Variants in TCEANC2 observed in about 807,000 individuals in gnomAD.
The protein encoded by TCEANC2 is transcription elongation factor A N-terminal and central domain-containing protein 2.
In TCEANC2, 20 loss-of-function variants were observed where a neutral mutation model predicts 22.8. The observed-to-expected ratio is 0.88, with a 90% CI of 0.62 to 1.28. The LOEUF (loss-of-function observed/expected upper bound fraction) is 1.28. Among genes scored for constraint, TCEANC2 ranks in the 50% most tolerant of loss-of-function variants. TCEANC2 has a pLI of 0.00. For synonymous variants in TCEANC2, 84 were observed against 95.5 expected, an observed-to-expected ratio of 0.88 and a Z score of 0.70; for missense variants, 251 against 249.7, an observed-to-expected ratio of 1.01 and a Z score of -0.03.
chr1:54,085,497 A>G (rs919723179), intron 3 of TCEANC2, among the ~76,000 whole-genome samples: 1 of 151,860 alleles, frequency 6.6e-6, no homozygotes, highest in African/African-American at 2.4e-5. Context: ...AAAATTCCCT[A>G]TCCATTTTCT....
chr1:54,098,573 A>G lies in TCEANC2; in HGVS notation c.*2100A>G, dbSNP rs1016715334. ...TAACATAGTTATTTCTTTATTGTCTATCTCCCCACTCCCAGAATGTAAGCT... is the reference window on the plus strand; with the variant it reads ...TAACATAGTTATTTCTTTATTGTCTGTCTCCCCACTCCCAGAATGTAAGCT... On this transcript the variant is annotated 3_prime_UTR_variant, in exon 5 of 5. Transcript: ENST00000234827. 1 of 152,266 alleles carries G rather than the reference A, an allele frequency of 6.6e-6. No homozygotes were observed. Among genetic ancestry groups the G allele is most frequent in the Middle Eastern group, 3.4e-3 (1 of 294 alleles). The allele number at this position is 152,266 out of a possible 1,614,324, so 9.4% of individuals were successfully genotyped here. A position where few individuals can be genotyped will look rare whatever the true frequency, so the allele number is the denominator to read the frequency against.
downstream of TCEANC2, among the ~76,000 whole-genome samples, chr1:54,107,744 C>G (rs765726607): frequency 6.6e-6 from 1 of 152,260 alleles, no homozygotes; most frequent in East Asian, 1.9e-4. Context: ...ACATACACAA[C>G]CACGTTGTGT....
chr1:54,096,600 C>A lies in TCEANC2; in HGVS notation c.*127C>A, dbSNP rs1658561486. 7.1e-7 allele frequency: 1 copy of A among 1,416,212 alleles called. No homozygotes were observed. Among genetic ancestry groups the A allele is most frequent in the South Asian group, 1.5e-5 (1 of 64,744 alleles). 87.7% of individuals were successfully genotyped at this position (1,416,212 alleles called of 1,614,324 possible). Reference sequence around the variant, plus strand: ...TGCTAGATTTTCCCATGGTGCCGTTCCTTTGCAGACAGAGGATTCGGAGAG... The same window carrying A: ...TGCTAGATTTTCCCATGGTGCCGTTACTTTGCAGACAGAGGATTCGGAGAG... On this transcript the variant is annotated 3_prime_UTR_variant, in exon 5 of 5. Coordinates refer to ENST00000234827, the MANE Select transcript of TCEANC2 (RefSeq NM_153035.3). This position sits in a 1 kb window ranked among gnomAD's most constrained non-coding sequence, Gnocchi z 4.9.
At position 54,100,244 on chromosome 1, in the gene TCEANC2, A is replaced by C. The variant is rs548301907; in HGVS notation, c.*3771A>C. On this transcript the variant is annotated 3_prime_UTR_variant, in exon 5 of 5. Transcript: ENST00000234827. ...CAGAGCAAGACTCACCTCAGTCTCAAAGATAAAATAAAATAAAAATAAATA... is the reference window on the plus strand; with the variant it reads ...CAGAGCAAGACTCACCTCAGTCTCACAGATAAAATAAAATAAAAATAAATA... 6.6e-6 allele frequency: 1 copy of C among 152,220 alleles called. No individual in the cohort carries two copies. Among genetic ancestry groups the C allele is most frequent in the African/African-American group, 2.4e-5 (1 of 41,458 alleles). The allele number at this position is 152,220 out of a possible 1,614,324, so 9.4% of individuals were successfully genotyped here. A position where few individuals can be genotyped will look rare whatever the true frequency, so the allele number is the denominator to read the frequency against.
chr1:54,062,574 C>T (rs945152009), intron 2 of TCEANC2, among the ~76,000 whole-genome samples: 2 of 152,142 alleles, frequency 1.3e-5, no homozygotes, highest in East Asian at 3.9e-4. Flanking sequence ...ACAGCCTTGT[C>T]GATGGTAAGT....
intron 3 of TCEANC2, among the ~76,000 whole-genome samples, chr1:54,069,904 G>C (rs1488733623): frequency 6.6e-6 from 1 of 152,198 alleles, no homozygotes; most frequent in Non-Finnish European, 1.5e-5. Context: ...GGGCCAACAT[G>C]TGTTACTCAA....
chr1:54,059,668 T>A (rs1245845960), intron 2 of TCEANC2, among the ~76,000 whole-genome samples: 2 of 152,242 alleles, frequency 1.3e-5, no homozygotes, highest in Non-Finnish European at 2.9e-5. Context: ...TCTGATTACC[T>A]GTAGCTTTCT....
At chr1:54,089,946 C>T in intron 4 of TCEANC2, 1 of 770,384 alleles carries the variant, frequency 1.3e-6, no homozygotes, top group South Asian at 1.5e-5. Flanking sequence ...GAAACGTACA[C>T]CTGATTTTCA....
chr1:54,087,138 C>G (rs1658353011), intron 3 of TCEANC2, among the ~76,000 whole-genome samples: 2 of 152,082 alleles, frequency 1.3e-5, no homozygotes, highest in Non-Finnish European at 2.9e-5. Flanking sequence ...TTAAAAAGTT[C>G]ATTAAAATAA....
At position 54,096,571 on chromosome 1, in the gene TCEANC2, G is replaced by C; in HGVS notation, c.*98G>C. 3 of 1,466,146 alleles carry C rather than the reference G, an allele frequency of 2.0e-6. No individual in the cohort carries two copies. The East Asian group carries it at 7.3e-5, about 35-fold the overall frequency. The allele number at this position is 1,466,146 out of a possible 1,614,324, so 90.8% of individuals were successfully genotyped here. A position where few individuals can be genotyped will look rare whatever the true frequency, so the allele number is the denominator to read the frequency against. On this transcript the variant is annotated 3_prime_UTR_variant, in exon 5 of 5. Coordinates refer to ENST00000234827, the MANE Select transcript of TCEANC2 (RefSeq NM_153035.3). This position sits in a 1 kb window ranked among gnomAD's most constrained non-coding sequence, Gnocchi z 4.9. ...TGAGTTTGGGTGATGGCTGATGCTG[G>C]CTGTGCTAGATTTTCCCATGGTGCC...
intron 3 of TCEANC2, among the ~76,000 whole-genome samples, chr1:54,084,399 G>T (rs780950963): frequency 3.9e-5 from 6 of 152,132 alleles, no homozygotes; most frequent in Non-Finnish European, 4.4e-5. Context: ...TGATGAGCTT[G>T]TAGGTTGTTC....
rs1164967036 is a variant in TCEANC2 at position 54,104,611 on chromosome 1, G to A, written c.*8138G>A. The A allele has an allele frequency of 3.8e-5, 17 of 450,650 alleles. No individual in the cohort carries two copies. Among genetic ancestry groups the A allele is most frequent in the Non-Finnish European group, 6.7e-5 (15 of 223,370 alleles). The allele number at this position is 450,650 out of a possible 1,614,324, so 27.9% of individuals were successfully genotyped here. A position where few individuals can be genotyped will look rare whatever the true frequency, so the allele number is the denominator to read the frequency against. On this transcript the variant is annotated 3_prime_UTR_variant, in exon 5 of 5. Transcript: ENST00000234827. ...GGCTGGAGTGCAGTGGCACCATCTC[G>A]GCTCACTGCAACCTCTGCCTCCTGG... is the stretch of plus-strand genomic sequence containing the variant.
chr1:54,090,949 T>C (rs1474522967), intron 4 of TCEANC2, among the ~76,000 whole-genome samples: 1 of 152,196 alleles, frequency 6.6e-6, no homozygotes, highest in Non-Finnish European at 1.5e-5. Flanking sequence ...ATCCTTTTAG[T>C]TTATCCATTA....
intron 3 of TCEANC2, among the ~76,000 whole-genome samples, chr1:54,069,518 G>A (rs1658017736): frequency 6.6e-6 from 1 of 150,950 alleles, no homozygotes; most frequent in Non-Finnish European, 1.5e-5. Context: ...TGAGGCATGA[G>A]AATTGCTTGA....
At chr1:54,054,975 G>A (rs912049305) in intron 2 of TCEANC2, among the ~76,000 whole-genome samples, 15 of 151,808 alleles carry the variant, frequency 9.9e-5, no homozygotes, top group Non-Finnish European at 1.9e-4. Flanking sequence ...TTTTGTTGTC[G>A]TTGTTGTTGT....
chr1:54,054,408 C>G lies in TCEANC2; in HGVS notation c.-15C>G, dbSNP rs780084686. 1 of 1,613,700 alleles carries G rather than the reference C, an allele frequency of 6.2e-7. No homozygotes were observed. Among genetic ancestry groups the G allele is most frequent in the African/African-American group, 1.3e-5 (1 of 74,874 alleles). The stretch of plus-strand genomic sequence containing the variant: ...CACGCTGCAAGCACGTCAAGGTAGT[C>G]GGAGTCCCCTAACAATGGATAAATT... On this transcript the variant is annotated 5_prime_UTR_variant, in exon 2 of 5. Transcript: ENST00000234827.
chr1:54,093,733 CTTTT>C (rs34379281), intron 4 of TCEANC2, among the ~76,000 whole-genome samples: 2 of 140,874 alleles, frequency 1.4e-5, no homozygotes, highest in Non-Finnish European at 3.1e-5. Context: ...TCTCAGAGTA[CTTTT>C]TTTTTTTTTT....
rs141669089 is a variant in TCEANC2, at chr1:54,066,634, G to C, written c.103-2122G>C. On this transcript the variant is annotated intron_variant, in intron 2 of 4. Transcript: ENST00000234827. ...AAGACATTTGTGTATAAAAATAATG[G>C]AATACTATCCAATATTATTAAAACA... 2.9e-3 allele frequency among the ~76,000 whole-genome samples: 439 copies of C among 152,228 alleles called. 3 individuals carry two copies. Among genetic ancestry groups the C allele is most frequent in the Middle Eastern group, 0.024 (7 of 294 alleles).
At chr1:54,072,729 G>A (rs998876814) in intron 3 of TCEANC2, among the ~76,000 whole-genome samples, 26 of 152,094 alleles carry the variant, frequency 1.7e-4, no homozygotes, top group Non-Finnish European at 2.5e-4. Context: ...GTGAGCTACC[G>A]CACCCAGCCC....
Sources: allele counts gnomAD v4.1 joint callset (sites outside exome capture counted in the v4.1 genomes callset), GRCh38; gene constraint gnomAD v4.1.1; non-coding constraint Gnocchi (gnomAD v3.1); transcripts MANE v1.5; gene names NCBI Gene and HGNC (gene_info 2026-07-23, HGNC 2026-07-21).